The following RAPGEF6 variants were observed in gnomAD, a reference collection of about 807,000 sequenced individuals.
RAPGEF6 encodes Rap guanine nucleotide exchange factor 6.
A neutral mutation model predicts 171.4 loss-of-function variants in RAPGEF6; 56 were observed. That is an observed-to-expected ratio of 0.33 (90% confidence interval 0.26 to 0.41). The LOEUF (loss-of-function observed/expected upper bound fraction) is 0.41, where lower values mean the gene tolerates loss of function less well. RAPGEF6 is among the 10% of genes least tolerant of loss of function. RAPGEF6 has a pLI of 1.00. For synonymous variants in RAPGEF6, 692 were observed against 650.1 expected (o/e 1.06, Z -0.98); for missense variants, 1,674 against 1,921.4 (o/e 0.87, Z 2.41).
intron 16 of RAPGEF6, among the ~76,000 whole-genome samples, chr5:131,473,161 C>T (rs1235996844): frequency 6.6e-6 from 1 of 152,004 alleles, no homozygotes; most frequent in Non-Finnish European, 1.5e-5. Flanking sequence ...TCTTGGTGAT[C>T]CTCTAGGAAA....
intron 17 of RAPGEF6, among the ~76,000 whole-genome samples, chr5:131,464,894 A>C (rs933095566): frequency 2.0e-5 from 3 of 152,144 alleles, no homozygotes; most frequent in African/African-American, 7.2e-5. Flanking sequence ...TAAGGGAACA[A>C]ATTTGGTCAC....
chr5:131,630,148 C>G (rs920264635), intron 1 of RAPGEF6, among the ~76,000 whole-genome samples: 1 of 152,276 alleles, frequency 6.6e-6, no homozygotes, highest in Non-Finnish European at 1.5e-5. Context: ...AAGAAACTGT[C>G]ACAGCCACCC....
At chr5:131,605,201 T>C (rs190000677) in intron 1 of RAPGEF6, among the ~76,000 whole-genome samples, 21 of 152,250 alleles carry the variant, frequency 1.4e-4, no homozygotes, top group African/African-American at 4.1e-4. Context: ...GTGAAAGAGG[T>C]AGAACATCTT....
At position 131,635,122 on chromosome 5, in the gene RAPGEF6, C is replaced by T; in HGVS notation, c.-92G>A. ...AGCGGGTGCGGTACCTTTCCCCCGC[C>T]CCAAGGAGGGAACTTCGCGCCGTAA... On this transcript the variant is annotated 5_prime_UTR_variant, in exon 1 of 28. Coordinates refer to ENST00000509018, the MANE Select transcript of RAPGEF6 (RefSeq NM_016340.6). 2 of 1,313,994 alleles carry T rather than the reference C, an allele frequency of 1.5e-6. No homozygotes were observed. The highest frequency in any genetic ancestry group is 2.0e-6 in the Non-Finnish European group (2 of 978,862). The allele number at this position is 1,313,994 out of a possible 1,614,324, so 81.4% of individuals were successfully genotyped here.
At chr5:131,556,767 C>T (rs1444339075) in intron 5 of RAPGEF6, among the ~76,000 whole-genome samples, 1 of 152,096 alleles carries the variant, frequency 6.6e-6, no homozygotes, top group Non-Finnish European at 1.5e-5. Flanking sequence ...AAAATAAACA[C>T]TATACTTGAT....
At chr5:131,583,822 C>T (rs1302678241) in intron 4 of RAPGEF6, among the ~76,000 whole-genome samples, 1 of 152,126 alleles carries the variant, frequency 6.6e-6, no homozygotes, top group Non-Finnish European at 1.5e-5. Context: ...TTTGGTTTTC[C>T]TGTTAACATC....
chr5:131,492,445 T>C, intron 14 of RAPGEF6, 137 bp downstream of exon 14: 1 of 773,548 alleles, frequency 1.3e-6, no homozygotes, highest in East Asian at 2.7e-5. Context: ...ATAAACCATA[T>C]GCAGATACTA....
At chr5:131,449,907 G>A (rs1035972261) in intron 21 of RAPGEF6, 3 of 1,135,050 alleles carry the variant, frequency 2.6e-6, no homozygotes, top group Non-Finnish European at 2.5e-6. Flanking sequence ...AGGAATGTAG[G>A]CTGACAGGGT....
intron 5 of RAPGEF6, among the ~76,000 whole-genome samples, chr5:131,553,451 A>C (rs1460283470): frequency 6.6e-6 from 1 of 152,236 alleles, no homozygotes; most frequent in Non-Finnish European, 1.5e-5. Flanking sequence ...GAGACAAAGC[A>C]ATCAACAGAG....
At chr5:131,595,265 C>T (rs1763828560) in intron 3 of RAPGEF6, among the ~76,000 whole-genome samples, 1 of 142,764 alleles carries the variant, frequency 7.0e-6, no homozygotes, top group Non-Finnish European at 1.5e-5. Flanking sequence ...GTGGCATTTC[C>T]CCCCATCGCA....
At chr5:131,514,055 A>C in intron 7 of RAPGEF6, among the ~76,000 whole-genome samples, 1 of 152,096 alleles carries the variant, frequency 6.6e-6, no homozygotes, top group South Asian at 2.1e-4. Flanking sequence ...CCCCCCAAAA[A>C]CCACAACTAC....
intron 16 of RAPGEF6, among the ~76,000 whole-genome samples, chr5:131,479,014 C>T (rs536658301): frequency 6.6e-6 from 1 of 152,140 alleles, no homozygotes; most frequent in South Asian, 2.1e-4. Context: ...GGACTAATTC[C>T]ATCAGTATTT....
chr5:131,467,595 A>C (rs1754447475), intron 17 of RAPGEF6, among the ~76,000 whole-genome samples: 1 of 152,274 alleles, frequency 6.6e-6, no homozygotes, highest in African/African-American at 2.4e-5. Flanking sequence ...CTCAAATGTT[A>C]ATCGCTTAGA....
At chr5:131,499,857 T>C (rs1403494422) in intron 11 of RAPGEF6, among the ~76,000 whole-genome samples, 1 of 152,198 alleles carries the variant, frequency 6.6e-6, no homozygotes, top group African/African-American at 2.4e-5. Context: ...TAAGAATCTA[T>C]TAAAAATAAA....
Position 131,435,701 on chromosome 5 carries a change from CT to C in RAPGEF6, c.3746-2044del, listed in dbSNP as rs112738097. On this transcript the variant is annotated intron_variant, in intron 24 of 27. Transcript: ENST00000509018. ...AAAAAGTAGAAGATAAAAAAGCCTC[CT>C]CTACATATTTCACTCACAGATCCAG... 10 of 566,334 alleles carry C rather than the reference CT, an allele frequency of 1.8e-5. No individual in the cohort carries two copies. In the African/African-American group the frequency reaches 1.9e-4, roughly 11 times the overall value. The allele number at this position is 566,334 out of a possible 1,614,324, so 35.1% of individuals were successfully genotyped here.
intron 5 of RAPGEF6, among the ~76,000 whole-genome samples, chr5:131,558,458 C>A (rs956918503): frequency 2.0e-5 from 3 of 151,964 alleles, no homozygotes; most frequent in Non-Finnish European, 2.9e-5. Context: ...CCTCATTATT[C>A]TAAGTTTGCT....
At chr5:131,544,315 CAAACAG>C (rs1438822172) in intron 6 of RAPGEF6, among the ~76,000 whole-genome samples, 1 of 151,928 alleles carries the variant, frequency 6.6e-6, no homozygotes, top group African/African-American at 2.4e-5. Flanking sequence ...CATAAACAGG[CAAACAG>C]AAACAAATTG....
intron 15 of RAPGEF6, among the ~76,000 whole-genome samples, chr5:131,488,136 T>C (rs1756045772): frequency 2.0e-5 from 3 of 152,168 alleles, no homozygotes; most frequent in Admixed American, 2.0e-4. Flanking sequence ...CCCTCTGCTA[T>C]ATCCAACCTA....
intron 6 of RAPGEF6, among the ~76,000 whole-genome samples, chr5:131,542,658 A>G (rs1001774154): frequency 1.3e-5 from 2 of 152,210 alleles, no homozygotes; most frequent in Admixed American, 6.5e-5. Flanking sequence ...ACAAGATATT[A>G]TGGGAGTGCA....
Sources: allele counts gnomAD v4.1 joint callset (sites outside exome capture counted in the v4.1 genomes callset), GRCh38; gene constraint gnomAD v4.1.1; transcripts MANE v1.5; gene names NCBI Gene and HGNC (gene_info 2026-07-23, HGNC 2026-07-21).